Variants in DLL4 observed in about 807,000 individuals in gnomAD.
DLL4 encodes delta-like protein 4.
DLL4 carries 7 observed loss-of-function variants against 73.6 expected under a neutral mutation model. The observed-to-expected ratio is 0.10, with a 90% CI of 0.05 to 0.18. The LOEUF is 0.18. DLL4 is among the 10% of genes least tolerant of loss of function. DLL4 has a pLI of 1.00. For synonymous variants in DLL4, 345 were observed against 374.3 expected, an observed-to-expected ratio of 0.92 and a Z score of 0.90; for missense variants, 614 against 929.9, an observed-to-expected ratio of 0.66 and a Z score of 4.42.
chr15:40,932,699 C>T (rs1055211378), intron 6 of DLL4, among the ~76,000 whole-genome samples: 2 of 152,048 alleles, frequency 1.3e-5, no homozygotes, highest in African/African-American at 2.4e-5. Flanking sequence ...GTGACAAGGT[C>T]GGCAGCCTGG....
intron 3 of DLL4, chr15:40,931,075 GA>G (rs1892763402): frequency 2.7e-6 from 1 of 367,484 alleles, no homozygotes; most frequent in Non-Finnish European, 4.9e-6. Context: ...CTTTGAAAAG[GA>G]AAAAAGAAAA....
At position 40,930,813 on chromosome 15, in the gene DLL4, C is replaced by G; in HGVS notation, c.394+131C>G. 1 of 922,292 alleles carries G rather than the reference C, an allele frequency of 1.1e-6. No homozygotes were observed. The highest frequency in any genetic ancestry group is 1.6e-5 in the South Asian group (1 of 63,874). The allele number at this position is 922,292 out of a possible 1,614,324, so 57.1% of individuals were successfully genotyped here. A position where few individuals can be genotyped will look rare whatever the true frequency, so the allele number is the denominator to read the frequency against. On this transcript the variant is annotated intron_variant, in intron 3 of 10. Transcript: ENST00000249749. This position sits in a 1 kb window ranked among gnomAD's most constrained non-coding sequence, Gnocchi z 5.7. ...CGCTTAGCTTGGCCTGGAGCTGCGC[C>G]CCGCGCTGGACGCTCGGATTCCGCT...
In DLL4 at chr15:40,930,344, A is replaced by C. The variant is rs1340436640; in HGVS notation, c.336+228A>C. 1.5e-6 allele frequency: 1 copy of C among 665,392 alleles called. No homozygotes were observed. The highest frequency in any genetic ancestry group is 2.5e-6 in the Non-Finnish European group (1 of 393,272). 41.2% of individuals were successfully genotyped at this position (665,392 alleles called of 1,614,324 possible). A position where few individuals can be genotyped will look rare whatever the true frequency, so the allele number is the denominator to read the frequency against. On this transcript the variant is annotated intron_variant, in intron 2 of 10. Coordinates refer to ENST00000249749, the MANE Select transcript of DLL4 (RefSeq NM_019074.4). This position sits in a 1 kb window ranked among gnomAD's most constrained non-coding sequence, Gnocchi z 5.7. ...TGTCCTCCCGTCCCCAGCTCTTGGG[A>C]CACGATTTTCATTACCTACCACTCT... is the stretch of plus-strand genomic sequence containing the variant.
In DLL4 at chr15:40,938,933, G is replaced by GTTTTTTTTTTTTTTT. The variant is rs34268812; in HGVS notation, c.*902_*916dup. ...AATCAATAATATGAGTTTTTATTTT[G>GTTTTTTTTTTTTTTT]TTTTTTTTTTTTTTTTTGTAGTTTA... On this transcript the variant is annotated 3_prime_UTR_variant, in exon 11 of 11. Coordinates refer to ENST00000249749, the MANE Select transcript of DLL4 (RefSeq NM_019074.4). 1 of 127,954 alleles carries GTTTTTTTTTTTTTTT rather than the reference G, an allele frequency of 7.8e-6. No individual in the cohort carries two copies. The highest frequency in any genetic ancestry group is 2.3e-4 in the South Asian group (1 of 4,278). The allele number at this position is 127,954 out of a possible 1,614,324, so 7.9% of individuals were successfully genotyped here. A position where few individuals can be genotyped will look rare whatever the true frequency, so the allele number is the denominator to read the frequency against.
chr15:40,938,135 G>A lies in DLL4; in HGVS notation c.*101G>A, dbSNP rs1270398580. ...GGATGGGACGTTTTTCATATGCAAC[G>A]TGCTGCTCTCAGGAGGAGGAGGGAA... On this transcript the variant is annotated 3_prime_UTR_variant, in exon 11 of 11. Transcript: ENST00000249749. The A allele has an allele frequency of 3.8e-6, 5 of 1,313,422 alleles. No individual in the cohort carries two copies. Among genetic ancestry groups the A allele is most frequent in the African/African-American group, 1.5e-5 (1 of 65,474 alleles). 81.4% of individuals were successfully genotyped at this position (1,313,422 alleles called of 1,614,324 possible).
Position 40,938,922 on chromosome 15 carries a change from GTTT to G in DLL4, c.*891_*893del, listed in dbSNP as rs1401795672. ...TGGTCTTCAGAAATCAATAATATGAGTTTTTATTTTGTTTTTTTTTTTTTTTTT... is the reference window on the plus strand; with the variant it reads ...TGGTCTTCAGAAATCAATAATATGAGTTATTTTGTTTTTTTTTTTTTTTTT... On this transcript the variant is annotated 3_prime_UTR_variant, in exon 11 of 11. Transcript: ENST00000249749. 7.2e-6 allele frequency: 1 copy of G among 137,996 alleles called. No individual in the cohort carries two copies. The highest frequency in any genetic ancestry group is 1.5e-5 in the Non-Finnish European group (1 of 64,758). 8.5% of individuals were successfully genotyped at this position (137,996 alleles called of 1,614,324 possible).
chr15:40,934,015 CAAAAAAAAAA>C (rs59066863), intron 6 of DLL4, among the ~76,000 whole-genome samples: 2 of 42,132 alleles, frequency 4.7e-5, no homozygotes, highest in African/African-American at 9.6e-5. Context: ...GACTCCGTCT[CAAAAAAAAAA>C]AAAAAAAAAA....
intron 6 of DLL4, among the ~76,000 whole-genome samples, chr15:40,932,963 C>T (rs1892789792): frequency 6.6e-6 from 1 of 152,212 alleles, no homozygotes; most frequent in African/African-American, 2.4e-5. Context: ...CTCCCCTGCT[C>T]TTACCTAGTT....
chr15:40,936,334 C>T lies in DLL4; in HGVS notation c.1347C>T (p.Cys449=), dbSNP rs752793079. The change falls in exon 9 of 11, where the codon TGC becomes TGT. Residue 449 remains cysteine, a synonymous_variant. Coordinates refer to ENST00000249749, the MANE Select transcript of DLL4 (RefSeq NM_019074.4). ...LHVSDCARNP[C]AHGGTCHDLE... ...TCAGCGACTGTGCCCGTAACCCTTG[C>T]GCCCACGGTGGCACTTGCCATGACC... 8.1e-6 allele frequency: 13 copies of T among 1,609,566 alleles called. No homozygotes were observed. The East Asian group carries it at 8.9e-5, about 11-fold the overall frequency.
In DLL4 at chr15:40,936,277, T is replaced by C; in HGVS notation, c.1290T>C (p.Pro430=). ...RGPSRMCRCR[P]GFTGTYCELH... ...CAAGCCGCATGTGCCGCTGCCGTCCTGGATTCACGGGCACCTACTGTGAAC... is the reference window on the plus strand; with the variant it reads ...CAAGCCGCATGTGCCGCTGCCGTCCCGGATTCACGGGCACCTACTGTGAAC... The change falls in exon 9 of 11, where the codon CCT becomes CCC. Residue 430 remains proline, a synonymous_variant. Transcript: ENST00000249749. 1 of 1,609,296 alleles carries C rather than the reference T, an allele frequency of 6.2e-7. No individual in the cohort carries two copies. Among genetic ancestry groups the C allele is most frequent in the Non-Finnish European group, 8.5e-7 (1 of 1,178,654 alleles).
intron 10 of DLL4, 71 bp from the exon 11 acceptor site, chr15:40,937,948 TCCCAGGGAGG>T: frequency 3.8e-6 from 6 of 1,563,520 alleles, no homozygotes; most frequent in Non-Finnish European, 3.5e-6. Flanking sequence ...CATCGCCTTC[TCCCAGGGAGG>T]CCCAGGGAGG....
Position 40,930,553 on chromosome 15 carries a change from G to A in DLL4, c.337-72G>A. 7.9e-7 allele frequency: 1 copy of A among 1,268,706 alleles called. No individual in the cohort carries two copies. Among genetic ancestry groups the A allele is most frequent in the Middle Eastern group, 1.8e-4 (1 of 5,424 alleles). 78.6% of individuals were successfully genotyped at this position (1,268,706 alleles called of 1,614,324 possible). On this transcript the variant is annotated intron_variant, in intron 2 of 10. Transcript: ENST00000249749. This position sits in a 1 kb window ranked among gnomAD's most constrained non-coding sequence, Gnocchi z 5.7. Reference sequence around the variant, plus strand: ...TGCAATTAGATTAATTAAACAGGCTGCCGCAAGGCACCCCCACCTCTCCCC... The same window carrying A: ...TGCAATTAGATTAATTAAACAGGCTACCGCAAGGCACCCCCACCTCTCCCC...
intron 9 of DLL4, 60 bp downstream of exon 9, chr15:40,936,990 C>A: frequency 1.4e-6 from 2 of 1,402,514 alleles, no homozygotes; most frequent in Non-Finnish European, 1.9e-6. Context: ...TCTGCCTAGG[C>A]TCCTCTTAGG....
intron 6 of DLL4, among the ~76,000 whole-genome samples, chr15:40,934,097 C>T (rs903005619): frequency 2.7e-4 from 40 of 149,350 alleles, no homozygotes; most frequent in African/African-American, 8.8e-4. Flanking sequence ...TTTGGGAGGC[C>T]GAGGTAGGTG....
At position 40,929,378 on chromosome 15, in the gene DLL4, A is replaced by G; in HGVS notation, c.-291A>G. On this transcript the variant is annotated 5_prime_UTR_variant, in exon 1 of 11. Coordinates refer to ENST00000249749, the MANE Select transcript of DLL4 (RefSeq NM_019074.4). The surrounding 1 kb of genome is among the most constrained non-coding windows in gnomAD (Gnocchi z 7.1). ...CGCGCAGGCCGGGAACACGAGGCCA[A>G]GAGCCGCAGCCCCAGCCGCCTTGGT... The G allele has an allele frequency of 2.4e-6, 1 of 421,774 alleles. No homozygotes were observed. Among genetic ancestry groups the G allele is most frequent in the Admixed American group, 4.2e-5 (1 of 23,870 alleles). 26.1% of individuals were successfully genotyped at this position (421,774 alleles called of 1,614,324 possible). A position where few individuals can be genotyped will look rare whatever the true frequency, so the allele number is the denominator to read the frequency against.
At chr15:40,935,596 C>A (rs561631102) in intron 8 of DLL4, among the ~76,000 whole-genome samples, 1 of 152,304 alleles carries the variant, frequency 6.6e-6, no homozygotes, top group African/African-American at 2.4e-5. Flanking sequence ...GTCTATCTGG[C>A]TCCCAGGTGA....
chr15:40,929,555 C>G lies in DLL4; in HGVS notation c.-114C>G, dbSNP rs926220489. 2.0e-6 allele frequency: 2 copies of G among 998,528 alleles called. No homozygotes were observed. The highest frequency in any genetic ancestry group is 2.8e-6 in the Non-Finnish European group (2 of 702,724). 61.9% of individuals were successfully genotyped at this position (998,528 alleles called of 1,614,324 possible). A position where few individuals can be genotyped will look rare whatever the true frequency, so the allele number is the denominator to read the frequency against. ...AGAAGGCCAAAGGGGAGCAGCGTCCCGAGAGGAGCGCCTCTTTTCAGGGAC... is the reference window on the plus strand; with the variant it reads ...AGAAGGCCAAAGGGGAGCAGCGTCCGGAGAGGAGCGCCTCTTTTCAGGGAC... On this transcript the variant is annotated 5_prime_UTR_variant, in exon 1 of 11. Transcript: ENST00000249749. The surrounding 1 kb of genome is among the most constrained non-coding windows in gnomAD (Gnocchi z 7.1).
chr15:40,930,639 C>T lies in DLL4; in HGVS notation c.351C>T (p.Leu117=). 1.2e-6 allele frequency: 2 copies of T among 1,613,896 alleles called. No homozygotes were observed. The highest frequency in any genetic ancestry group is 1.1e-5 in the South Asian group (1 of 91,056). ...CCCTTTCCCAGGGTACCTTCTCGCT[C>T]ATCATCGAAGCTTGGCACGCGCCAG... ...FNFTWPGTFS[L]IIEAWHAPGD... The change falls in exon 3 of 11, where the codon CTC becomes CTT. Residue 117 remains leucine, a synonymous_variant. Coordinates refer to ENST00000249749, the MANE Select transcript of DLL4 (RefSeq NM_019074.4). This position sits in a 1 kb window ranked among gnomAD's most constrained non-coding sequence, Gnocchi z 5.7.
Position 40,929,346 on chromosome 15 carries a change from G to C in DLL4, c.-323G>C, listed in dbSNP as rs1892728760. The stretch of plus-strand genomic sequence containing the variant: ...CCCCCAGCGCGCAGGTTTCAGTAGC[G>C]GCGCTGCGCGCAGGCCGGGAACACG... On this transcript the variant is annotated 5_prime_UTR_variant, in exon 1 of 11. Transcript: ENST00000249749. The surrounding 1 kb of genome is among the most constrained non-coding windows in gnomAD (Gnocchi z 7.1). 2 of 391,672 alleles carry C rather than the reference G, an allele frequency of 5.1e-6. No homozygotes were observed. The highest frequency in any genetic ancestry group is 9.0e-6 in the Non-Finnish European group (2 of 221,078). The allele number at this position is 391,672 out of a possible 1,614,324, so 24.3% of individuals were successfully genotyped here.
Sources: allele counts gnomAD v4.1 joint callset (sites outside exome capture counted in the v4.1 genomes callset), GRCh38; gene constraint gnomAD v4.1.1; non-coding constraint Gnocchi (gnomAD v3.1); transcripts MANE v1.5; gene names NCBI Gene and HGNC (gene_info 2026-07-23, HGNC 2026-07-21).